Variants in NEURL1 observed in about 807,000 individuals in gnomAD.
NEURL1 encodes the protein E3 ubiquitin-protein ligase NEURL1.
Under a neutral mutation model 41.2 loss-of-function variants are expected in NEURL1, and 26 were observed. The observed-to-expected ratio is 0.63, with a 90% CI of 0.46 to 0.87. NEURL1 has a LOEUF of 0.87. NEURL1 is among the 40% of genes least tolerant of loss of function. The pLI is 0.00. For missense variants in NEURL1, 761 were observed against 871.1 expected, an observed-to-expected ratio of 0.87 and a Z score of 1.59; for synonymous variants, 400 against 402.3, an observed-to-expected ratio of 0.99 and a Z score of 0.07.
intron 1 of NEURL1, among the ~76,000 whole-genome samples, chr10:103,562,675 G>A (rs1369717624): frequency 1.3e-5 from 2 of 152,206 alleles, no homozygotes; most frequent in Non-Finnish European, 2.9e-5. Context: ...GCTTGGTGAT[G>A]CGTCCTCTGT....
intron 4 of NEURL1, among the ~76,000 whole-genome samples, chr10:103,587,887 TAACAC>T (rs2035954714): frequency 6.6e-6 from 1 of 152,200 alleles, no homozygotes; most frequent in East Asian, 1.9e-4. Context: ...TTAGAAATAA[TAACAC>T]AACTAAATGA....
chr10:103,495,978 C>CGT (rs1204911669), intron 1 of NEURL1, among the ~76,000 whole-genome samples: 4 of 152,068 alleles, frequency 2.6e-5, no homozygotes, highest in African/African-American at 7.2e-5. Flanking sequence ...CATAGTGGTG[C>CGT]GTGCCTATGA....
chr10:103,589,751 G>A, intron 5 of NEURL1, 91 bp downstream of exon 5: 1 of 1,500,808 alleles, frequency 6.7e-7, no homozygotes, highest in Non-Finnish European at 9.0e-7. Context: ...GTGGAGAGGA[G>A]CTGGAGTTGG....
rs563390108 is a variant in NEURL1, at chr10:103,537,753, A to G, written c.86-33119A>G. Among the ~76,000 whole-genome samples, 26 of 152,364 alleles carry G rather than the reference A, an allele frequency of 1.7e-4. No individual in the cohort carries two copies. In the East Asian group the frequency reaches 3.7e-3, roughly 21 times the overall value. ...TTATTAAAGTATAACTGACAAAAAT[A>G]TACTGCACATATTTAAAATGCACAG... On this transcript the variant is annotated intron_variant, in intron 1 of 5. Transcript: ENST00000369780.
intron 3 of NEURL1, among the ~76,000 whole-genome samples, chr10:103,582,514 TC>T (rs2073388925): frequency 6.6e-6 from 1 of 152,210 alleles, no homozygotes; most frequent in Non-Finnish European, 1.5e-5. Flanking sequence ...AGGAGGCTTC[TC>T]CAGAGCTTCA....
chr10:103,583,449 C>G (rs886611329), intron 3 of NEURL1, among the ~76,000 whole-genome samples: 6 of 152,004 alleles, frequency 3.9e-5, no homozygotes, highest in Non-Finnish European at 7.4e-5. Flanking sequence ...GGTGTGGTGG[C>G]TCACACTTCT....
At chr10:103,578,861 C>G (rs1196822852) in intron 3 of NEURL1, among the ~76,000 whole-genome samples, 2 of 152,214 alleles carry the variant, frequency 1.3e-5, no homozygotes, top group East Asian at 3.9e-4. Context: ...ATGCCCCGTG[C>G]CAGATGCGGA....
At chr10:103,505,048 CTTTTTTT>C (rs35244731) in intron 1 of NEURL1, among the ~76,000 whole-genome samples, 1 of 139,468 alleles carries the variant, frequency 7.2e-6, no homozygotes, top group Non-Finnish European at 1.5e-5. Flanking sequence ...TCTCCTGTAT[CTTTTTTT>C]TTTTTTTTTT....
At chr10:103,530,209 C>CT (rs748389685) in intron 1 of NEURL1, among the ~76,000 whole-genome samples, 18 of 151,778 alleles carry the variant, frequency 1.2e-4, no homozygotes, top group Non-Finnish European at 2.1e-4. Context: ...CTACTCTGGT[C>CT]TTTACTATAC....
Position 103,566,448 on chromosome 10 carries a change from T to C in NEURL1, c.86-4424T>C, listed in dbSNP as rs1177995107. On this transcript the variant is annotated intron_variant, in intron 1 of 5. Transcript: ENST00000369780. The surrounding 1 kb of genome is among the most constrained non-coding windows in gnomAD (Gnocchi z 4.2). Reference sequence around the variant, plus strand: ...TGCCTTTTCCAAAATATCATACGGATGGAATCGTACAGCATACAGCCCTTT... The same window carrying C: ...TGCCTTTTCCAAAATATCATACGGACGGAATCGTACAGCATACAGCCCTTT... Among the ~76,000 whole-genome samples the C allele has an allele frequency of 6.6e-6, 1 of 152,200 alleles. No homozygotes were observed. The highest frequency in any genetic ancestry group is 1.5e-5 in the Non-Finnish European group (1 of 68,038).
At chr10:103,554,298 CTG>C (rs2035096651) in intron 1 of NEURL1, among the ~76,000 whole-genome samples, 1 of 152,216 alleles carries the variant, frequency 6.6e-6, no homozygotes, top group Non-Finnish European at 1.5e-5. Flanking sequence ...CGTATGTTGA[CTG>C]TGGACATTGA....
At chr10:103,520,828 A>T (rs1165267261) in intron 1 of NEURL1, among the ~76,000 whole-genome samples, 1 of 152,134 alleles carries the variant, frequency 6.6e-6, no homozygotes, top group African/African-American at 2.4e-5. Flanking sequence ...ATTCTGTGGT[A>T]AGGGGTGATA....
chr10:103,570,788 C>A, intron 1 of NEURL1, 84 bp from the exon 2 acceptor site: 1 of 1,542,598 alleles, frequency 6.5e-7, no homozygotes, highest in Admixed American at 1.9e-5. Context: ...CTGGTCATGC[C>A]CAGCCTCTGC....
chr10:103,553,186 A>T (rs2133868626), intron 1 of NEURL1, among the ~76,000 whole-genome samples: 1 of 152,314 alleles, frequency 6.6e-6, no homozygotes, highest in Non-Finnish European at 1.5e-5. Flanking sequence ...CATCTGTAAA[A>T]TGGGCATACA....
At chr10:103,526,850 C>T (rs192918482) in intron 1 of NEURL1, among the ~76,000 whole-genome samples, 274 of 151,848 alleles carry the variant, frequency 1.8e-3, no homozygotes, top group Non-Finnish European at 3.1e-3. Context: ...CAGGTTATAG[C>T]GACTAGGCTT....
intron 1 of NEURL1, among the ~76,000 whole-genome samples, chr10:103,535,162 G>C (rs1041752792): frequency 6.6e-6 from 1 of 152,156 alleles, no homozygotes; most frequent in African/African-American, 2.4e-5. Context: ...TGCAGCAGCA[G>C]CAAGTATCCC....
At chr10:103,522,558 C>T (rs979617823) in intron 1 of NEURL1, among the ~76,000 whole-genome samples, 7 of 145,526 alleles carry the variant, frequency 4.8e-5, no homozygotes, top group African/African-American at 1.3e-4. Flanking sequence ...GCCAAGATCA[C>T]GCCATTGCAC....
intron 3 of NEURL1, among the ~76,000 whole-genome samples, chr10:103,573,547 T>A (rs1271347335): frequency 6.6e-6 from 1 of 152,296 alleles, no homozygotes; most frequent in East Asian, 1.9e-4. Flanking sequence ...GCCTTGGTGC[T>A]GCTCTGGTAT....
intron 1 of NEURL1, chr10:103,549,292 C>T (rs994189924): frequency 9.2e-5 from 14 of 152,746 alleles, no homozygotes; most frequent in African/African-American, 3.4e-4. Flanking sequence ...GTTGTGTTCC[C>T]ATCCTCCTGG....
Sources: gnomAD v4.1 joint callset for allele counts (sites outside exome capture counted in the v4.1 genomes callset) on GRCh38, gnomAD v4.1.1 for gene constraint, Gnocchi (gnomAD v3.1) non-coding constraint, MANE v1.5 for transcripts, NCBI Gene and HGNC (gene_info 2026-07-23, HGNC 2026-07-21) for gene names.